Variants in GABRG2 observed in about 807,000 individuals in gnomAD.
The protein encoded by GABRG2 is gamma-aminobutyric acid receptor subunit gamma-2.
Under a neutral mutation model 56.4 loss-of-function variants are expected in GABRG2, and 16 were observed. The ratio of observed to expected loss-of-function variants is 0.28; its 90% CI spans 0.19 to 0.43. The LOEUF is 0.43. GABRG2 is among the 20% of genes least tolerant of loss of function. GABRG2 has a pLI of 1.00. For missense variants in GABRG2, 327 were observed against 582.7 expected (o/e 0.56, Z 4.52); for synonymous variants, 208 against 205.5 (o/e 1.01, Z -0.10).
At chr5:162,078,262 T>G (rs1759305568) in intron 1 of GABRG2, among the ~76,000 whole-genome samples, 1 of 151,328 alleles carries the variant, frequency 6.6e-6, no homozygotes, top group African/African-American at 2.4e-5. Flanking sequence ...CTCTTCTCAT[T>G]GTATCCTCAC....
At chr5:162,132,003 C>T (rs1161083745) in intron 6 of GABRG2, among the ~76,000 whole-genome samples, 1 of 151,374 alleles carries the variant, frequency 6.6e-6, no homozygotes. Flanking sequence ...GCCTTCGGCA[C>T]CTAGGAGAAA....
intron 6 of GABRG2, among the ~76,000 whole-genome samples, chr5:162,111,201 T>C (rs1197872886): frequency 6.6e-6 from 1 of 152,196 alleles, no homozygotes; most frequent in East Asian, 1.9e-4. Context: ...GCTTGGGGTT[T>C]AGGTTTTTAA....
chr5:162,113,091 C>A (rs906338345), intron 6 of GABRG2, among the ~76,000 whole-genome samples: 1 of 151,982 alleles, frequency 6.6e-6, no homozygotes, highest in African/African-American at 2.4e-5. Flanking sequence ...ACACGCACGC[C>A]ACTATGCCTG....
rs150875037 is a variant in GABRG2, at chr5:162,155,342, G to C, written c.*1974G>C. On this transcript the variant is annotated 3_prime_UTR_variant, in exon 10 of 10. Coordinates refer to ENST00000639213, the MANE Select transcript of GABRG2 (RefSeq NM_198904.4). Reference sequence around the variant, plus strand: ...TTATTGTCAACTTGAAATGTGTTCTGTAATGGGGACACTACAAAAAGCTAG... The same window carrying C: ...TTATTGTCAACTTGAAATGTGTTCTCTAATGGGGACACTACAAAAAGCTAG... The C allele has an allele frequency of 6.6e-6, 1 of 152,464 alleles. No individual in the cohort carries two copies. Among genetic ancestry groups the C allele is most frequent in the East Asian group, 1.9e-4 (1 of 5,194 alleles). 9.4% of individuals were successfully genotyped at this position (152,464 alleles called of 1,614,324 possible). A position where few individuals can be genotyped will look rare whatever the true frequency, so the allele number is the denominator to read the frequency against.
At chr5:162,123,677 T>C (rs1763125047) in intron 6 of GABRG2, among the ~76,000 whole-genome samples, 1 of 151,856 alleles carries the variant, frequency 6.6e-6, no homozygotes, top group Non-Finnish European at 1.5e-5. Flanking sequence ...GCTAAGTGTT[T>C]TATGGCATTA....
chr5:162,107,969 TC>T (rs1286436875), intron 6 of GABRG2, among the ~76,000 whole-genome samples: 1 of 152,200 alleles, frequency 6.6e-6, no homozygotes, highest in Non-Finnish European at 1.5e-5. Flanking sequence ...TCATCTCCAG[TC>T]TATGCCTTTC....
intron 6 of GABRG2, among the ~76,000 whole-genome samples, chr5:162,134,999 T>C (rs778005035): frequency 1.2e-4 from 18 of 152,196 alleles, no homozygotes; most frequent in Non-Finnish European, 2.4e-4. Flanking sequence ...CCTCAATTGC[T>C]ATTTTGTTCT....
chr5:162,143,860 G>T (rs1392570428), intron 7 of GABRG2, among the ~76,000 whole-genome samples: 1 of 152,170 alleles, frequency 6.6e-6, no homozygotes, highest in African/African-American at 2.4e-5. Flanking sequence ...TGACAAAATG[G>T]TCTGTACTAA....
chr5:162,106,691 A>T (rs1761853735), intron 6 of GABRG2, among the ~76,000 whole-genome samples: 1 of 152,128 alleles, frequency 6.6e-6, no homozygotes, highest in Non-Finnish European at 1.5e-5. Context: ...CTGGGGGAGA[A>T]TATTGCCAAA....
At chr5:162,119,741 A>G (rs1461298331) in intron 6 of GABRG2, among the ~76,000 whole-genome samples, 1 of 152,194 alleles carries the variant, frequency 6.6e-6, no homozygotes, top group African/African-American at 2.4e-5. Context: ...CAATGCCTAC[A>G]TGCTTCAATA....
intron 1 of GABRG2, among the ~76,000 whole-genome samples, chr5:162,069,327 C>A (rs1758484630): frequency 6.6e-6 from 1 of 152,058 alleles, no homozygotes. Context: ...CATATCCTAC[C>A]AATATAAAGA....
intron 1 of GABRG2, among the ~76,000 whole-genome samples, chr5:162,075,084 T>C (rs1327485365): frequency 6.6e-6 from 1 of 152,112 alleles, no homozygotes. Context: ...TTCTATCACC[T>C]AGCTGCGAGG....
At chr5:162,118,797 A>T (rs2113468698) in intron 6 of GABRG2, among the ~76,000 whole-genome samples, 1 of 152,280 alleles carries the variant, frequency 6.6e-6, no homozygotes, top group African/African-American at 2.4e-5. Flanking sequence ...CTAGGGTATT[A>T]TTAAAGCGAC....
intron 3 of GABRG2, among the ~76,000 whole-genome samples, chr5:162,096,909 G>A (rs887469758): frequency 6.6e-6 from 1 of 151,978 alleles, no homozygotes; most frequent in East Asian, 1.9e-4. Context: ...CTTGTTTAGA[G>A]AAAAGAACAA....
chr5:162,135,870 T>C (rs2113562364), intron 6 of GABRG2, among the ~76,000 whole-genome samples: 1 of 151,794 alleles, frequency 6.6e-6, no homozygotes, highest in East Asian at 1.9e-4. Context: ...AGTCCGGGAA[T>C]ATAGTGAGGG....
At chr5:162,120,920 G>T (rs1329846214) in intron 6 of GABRG2, among the ~76,000 whole-genome samples, 1 of 152,046 alleles carries the variant, frequency 6.6e-6, no homozygotes, top group Non-Finnish European at 1.5e-5. Context: ...TAGATACTTT[G>T]TTCATTATTT....
At chr5:162,126,440 G>T (rs940866189) in intron 6 of GABRG2, among the ~76,000 whole-genome samples, 1 of 151,872 alleles carries the variant, frequency 6.6e-6, no homozygotes, top group Non-Finnish European at 1.5e-5. Flanking sequence ...CCTCTATTGT[G>T]GGGGGATGGA....
intron 6 of GABRG2, among the ~76,000 whole-genome samples, chr5:162,110,290 G>A (rs1391139380): frequency 2.0e-5 from 3 of 152,086 alleles, no homozygotes; most frequent in Non-Finnish European, 2.9e-5. Flanking sequence ...GTATCTTTAC[G>A]TGTTGGGCAT....
chr5:162,073,816 C>T (rs1261557471), intron 1 of GABRG2, among the ~76,000 whole-genome samples: 1 of 151,872 alleles, frequency 6.6e-6, no homozygotes, highest in Non-Finnish European at 1.5e-5. Context: ...TCAGTAGACT[C>T]ATGAATTAGA....
Sources: allele counts gnomAD v4.1 joint callset (sites outside exome capture counted in the v4.1 genomes callset), GRCh38; gene constraint gnomAD v4.1.1; transcripts MANE v1.5; gene names NCBI Gene and HGNC (gene_info 2026-07-23, HGNC 2026-07-21).